ABCB5: variants seen among roughly 807,000 people sequenced by gnomAD.
ABCB5 encodes the protein ATP binding cassette subfamily B member 5.
Under a neutral mutation model 144.2 loss-of-function variants are expected in ABCB5, and 155 were observed. The ratio of observed to expected loss-of-function variants is 1.08; its 90% confidence interval spans 0.94 to 1.23. ABCB5 has a LOEUF of 1.23. Ranked by LOEUF, ABCB5 falls within the 50% of genes most tolerant of loss-of-function variation. The pLI is 0.00. For missense variants in ABCB5, 1,830 were observed against 1,520.8 expected, an observed-to-expected ratio of 1.20 and a Z score of -3.38; for synonymous variants, 610 against 528.6, an observed-to-expected ratio of 1.15 and a Z score of -2.11.
At chr7:20,667,038 G>T in intron 14 of ABCB5, 2 of 561,530 alleles carry the variant, frequency 3.6e-6, no homozygotes, top group Non-Finnish European at 5.0e-6. Context: ...ATCTAGTAGA[G>T]ATGTATTTTT....
Position 20,711,770 on chromosome 7 carries a change from C to CTTT in ABCB5, c.2421+6963_2421+6964insTTT, listed in dbSNP as rs1787045342. Among the ~76,000 whole-genome samples, 4 of 62,398 alleles carry CTTT rather than the reference C, an allele frequency of 6.4e-5. 1 individual carries two copies. Among genetic ancestry groups the CTTT allele is most frequent in the African/African-American group, 2.7e-4 (3 of 11,288 alleles). 40.9% of individuals were successfully genotyped at this position (62,398 alleles called of 152,430 possible). A position where few individuals can be genotyped will look rare whatever the true frequency, so the allele number is the denominator to read the frequency against. ...CACCCAGCCCAGCCTGCCTGCCTTT[C>CTTT]CTTCTTTCTCTTTCTTTCTTTCTTT... On this transcript the variant is annotated intron_variant, in intron 20 of 27. Coordinates refer to ENST00000404938, the MANE Select transcript of ABCB5 (RefSeq NM_001163941.2).
In ABCB5 at chr7:20,648,045, T is replaced by A; in HGVS notation, c.1173T>A (p.Val391=). The change falls in exon 11 of 28, where the codon GTT becomes GTA. Residue 391 remains valine, a synonymous_variant. Coordinates refer to ENST00000404938, the MANE Select transcript of ABCB5 (RefSeq NM_001163941.2). Reference sequence around the variant, plus strand: ...AAGGAACTGTGGAATTTAAAAATGTTTCTTTCAATTATCCATCAAGACCAT... The same window carrying A: ...AAGGAACTGTGGAATTTAAAAATGTATCTTTCAATTATCCATCAAGACCAT... ...SIEGTVEFKN[V]SFNYPSRPSI... is the part of the protein sequence containing the mutation. The A allele has an allele frequency of 6.2e-7, 1 of 1,609,728 alleles. No homozygotes were observed. The highest frequency in any genetic ancestry group is 8.5e-7 in the Non-Finnish European group (1 of 1,176,584).
rs546405335 is a variant in ABCB5 at position 20,755,528 on chromosome 7, G to A, written c.3678G>A (p.Leu1226=). The A allele has an allele frequency of 6.2e-6, 10 of 1,614,178 alleles. No individual in the cohort carries two copies. The East Asian group carries it at 1.8e-4, about 29-fold the overall frequency. ...AIQNADLIVV[L]HNGKIKEQGT... ...AGAACGCAGATTTGATAGTGGTTCT[G>A]CACAATGGAAAGATAAAGGAACAAG... The change falls in exon 28 of 28, where the codon CTG becomes CTA. Residue 1226 remains leucine, a synonymous_variant. Transcript: ENST00000404938.
chr7:20,651,628 G>A lies in ABCB5; in HGVS notation c.1536+5G>A. 1 of 1,613,848 alleles carries A rather than the reference G, an allele frequency of 6.2e-7. No homozygotes were observed. Among genetic ancestry groups the A allele is most frequent in the African/African-American group, 1.3e-5 (1 of 75,032 alleles). ...TTTATCATGGAGTTTCCTAATGTGA[G>A]TACACTGTGCAGCCTGTGTCCTTAG... On this transcript the variant is annotated splice_donor_5th_base_variant and intron_variant, in intron 13 of 27. Coordinates refer to ENST00000404938, the MANE Select transcript of ABCB5 (RefSeq NM_001163941.2).
chr7:20,731,495 A>G (rs141625576), intron 23 of ABCB5, among the ~76,000 whole-genome samples: 2,160 of 151,770 alleles, frequency 0.014, 44 homozygotes, highest in African/African-American at 0.043. Context: ...TTCTCATCCA[A>G]TCTGTCAGTT....
At chr7:20,666,940 T>C in intron 14 of ABCB5, 1 of 1,190,040 alleles carries the variant, frequency 8.4e-7, no homozygotes, top group Non-Finnish European at 1.1e-6. Context: ...CCAAAATCTC[T>C]TCTGTGTTTT....
At chr7:20,655,618 C>T (rs1260456228) in intron 13 of ABCB5, among the ~76,000 whole-genome samples, 1 of 152,156 alleles carries the variant, frequency 6.6e-6, no homozygotes, top group Non-Finnish European at 1.5e-5. Context: ...ACGTGCAAGT[C>T]TTCTAGTAAA....
At chr7:20,692,417 T>G (rs1482870153) in intron 16 of ABCB5, among the ~76,000 whole-genome samples, 1 of 151,300 alleles carries the variant, frequency 6.6e-6, no homozygotes, top group East Asian at 1.9e-4. Flanking sequence ...GAAGGCAAAG[T>G]TCAGACATTT....
At chr7:20,715,360 C>G (rs1407387634) in intron 20 of ABCB5, among the ~76,000 whole-genome samples, 1 of 151,866 alleles carries the variant, frequency 6.6e-6, no homozygotes, top group African/African-American at 2.4e-5. Flanking sequence ...CTACTTACTT[C>G]ATTTCCTTTT....
intron 23 of ABCB5, among the ~76,000 whole-genome samples, chr7:20,734,401 T>C (rs1782319243): frequency 6.6e-6 from 1 of 150,428 alleles, no homozygotes; most frequent in Non-Finnish European, 1.5e-5. Flanking sequence ...AAACTGTAGA[T>C]ACCTAGATCT....
intron 26 of ABCB5, among the ~76,000 whole-genome samples, chr7:20,748,871 C>T (rs376167033): frequency 6.6e-6 from 1 of 152,018 alleles, no homozygotes; most frequent in South Asian, 2.1e-4. Context: ...ACATAAGACA[C>T]ATTAATGTAT....
At chr7:20,743,115 G>A (rs1216903397) in intron 25 of ABCB5, 41 bp downstream of exon 25, 2 of 1,597,396 alleles carry the variant, frequency 1.3e-6, no homozygotes, top group Non-Finnish European at 1.7e-6. Flanking sequence ...GGGGTTAGCA[G>A]TCCTATTCTT....
chr7:20,676,584 G>A (rs1785619947), intron 14 of ABCB5, among the ~76,000 whole-genome samples: 1 of 152,136 alleles, frequency 6.6e-6, no homozygotes. Context: ...GGCTGCTAGG[G>A]AATGAGCAGG....
chr7:20,679,244 G>A (rs1785709099), intron 14 of ABCB5, among the ~76,000 whole-genome samples: 1 of 151,914 alleles, frequency 6.6e-6, no homozygotes, highest in South Asian at 2.1e-4. Flanking sequence ...GAGGTGGGTG[G>A]ATCACCTGAG....
At position 20,691,173 on chromosome 7, in the gene ABCB5, T is replaced by C. The variant is rs1448235079; in HGVS notation, c.2010+5337T>C. ...CACAGACAAAACCCAGTGGACTTTT[T>C]TTTTTTTTTTTTTTTTTTTTTTTTT... On this transcript the variant is annotated intron_variant, in intron 16 of 27. Coordinates refer to ENST00000404938, the MANE Select transcript of ABCB5 (RefSeq NM_001163941.2). 7.2e-3 allele frequency among the ~76,000 whole-genome samples: 88 copies of C among 12,222 alleles called. 2 individuals carry two copies. Among genetic ancestry groups the C allele is most frequent in the African/African-American group, 0.021 (83 of 3,970 alleles). 8.0% of individuals were successfully genotyped at this position (12,222 alleles called of 152,430 possible). A position where few individuals can be genotyped will look rare whatever the true frequency, so the allele number is the denominator to read the frequency against.
intron 20 of ABCB5, among the ~76,000 whole-genome samples, chr7:20,711,743 T>A (rs534005136): frequency 6.8e-6 from 1 of 147,910 alleles, no homozygotes; most frequent in African/African-American, 2.5e-5. Flanking sequence ...TGTGAGCCAC[T>A]GCACCCAGCC....
chr7:20,743,061 T>C lies in ABCB5; in HGVS notation c.3209T>C (p.Val1070Ala), dbSNP rs1782612527. The C allele has an allele frequency of 6.2e-7, 1 of 1,613,886 alleles. No homozygotes were observed. The highest frequency in any genetic ancestry group is 8.5e-7 in the Non-Finnish European group (1 of 1,179,910). ...CTTCTGCAGAGACTTTATGACCCCG[T>C]GCAAGGACAAGTGGTAAGACAGAAC... ...VQLLQRLYDP[V>A]QGQVLFDGVD... is the part of the protein sequence containing the mutation. The change falls in exon 25 of 28, where the codon GTG (valine) becomes GCG (alanine). Residue 1070 changes from valine (V) to alanine (A), a missense_variant. Coordinates refer to ENST00000404938, the MANE Select transcript of ABCB5 (RefSeq NM_001163941.2).
chr7:20,676,856 TTGTC>T (rs1208911279), intron 14 of ABCB5, among the ~76,000 whole-genome samples: 2 of 152,132 alleles, frequency 1.3e-5, no homozygotes, highest in Admixed American at 6.5e-5. Flanking sequence ...GTTAAAAAAC[TTGTC>T]TAAGTCCTCC....
chr7:20,709,818 C>T (rs1786951489), intron 20 of ABCB5, among the ~76,000 whole-genome samples: 1 of 149,686 alleles, frequency 6.7e-6, no homozygotes, highest in East Asian at 2.0e-4. Context: ...AGGTGGCTCA[C>T]ACCTGTAATC....
Sources: allele counts gnomAD v4.1 joint callset (sites outside exome capture counted in the v4.1 genomes callset), GRCh38; gene constraint gnomAD v4.1.1; transcripts MANE v1.5; gene names NCBI Gene and HGNC (gene_info 2026-07-23, HGNC 2026-07-21).